EYA1: variants seen among roughly 807,000 people sequenced by gnomAD.
The protein encoded by EYA1 is EYA transcriptional coactivator and phosphatase 1.
In EYA1, 16 loss-of-function variants were observed where a neutral mutation model predicts 82.0. That is an observed-to-expected ratio of 0.20 (90% CI 0.13 to 0.30). The LOEUF (loss-of-function observed/expected upper bound fraction) is 0.30, where lower values mean the gene tolerates loss of function less well. Ranked by LOEUF, EYA1 falls within the 10% of genes least tolerant of loss-of-function variation. The pLI, the probability that EYA1 is intolerant of heterozygous loss-of-function variation, is 1.00. For synonymous variants in EYA1, 261 were observed against 264.4 expected (o/e 0.99, Z 0.12); for missense variants, 633 against 730.7 (o/e 0.87, Z 1.54).
In EYA1 at chr8:71,199,223, C is replaced by A. The variant is rs886063087; in HGVS notation, c.*117G>T. On this transcript the variant is annotated 3_prime_UTR_variant, in exon 18 of 18. Coordinates refer to ENST00000340726, the MANE Select transcript of EYA1 (RefSeq NM_000503.6). ...CAGAGGTCAAGACTGACAGCAACTG[C>A]GCATCACCAGGCGGAAATTGCTAAG... 2.7e-6 allele frequency: 2 copies of A among 737,584 alleles called. No homozygotes were observed. Among genetic ancestry groups the A allele is most frequent in the Non-Finnish European group, 4.8e-6 (2 of 418,454 alleles). 45.7% of individuals were successfully genotyped at this position (737,584 alleles called of 1,614,324 possible). A position where few individuals can be genotyped will look rare whatever the true frequency, so the allele number is the denominator to read the frequency against.
At chr8:71,453,886 C>T (rs1298505279) in intron 2 of EYA1, among the ~76,000 whole-genome samples, 1 of 152,150 alleles carries the variant, frequency 6.6e-6, no homozygotes, top group Non-Finnish European at 1.5e-5. Context: ...AACCAGCTAA[C>T]ATCATAATGA....
At chr8:71,535,045 G>T (rs576596920) in intron 2 of EYA1, among the ~76,000 whole-genome samples, 31 of 152,012 alleles carry the variant, frequency 2.0e-4, no homozygotes, top group African/African-American at 7.5e-4. Context: ...AATTTTCCGA[G>T]AAAACAACTT....
chr8:71,386,553 T>C (rs1402687169), intron 2 of EYA1, among the ~76,000 whole-genome samples: 1 of 152,236 alleles, frequency 6.6e-6, no homozygotes, highest in Non-Finnish European at 1.5e-5. Context: ...GGCCATGAGT[T>C]GACAATAGCT....
chr8:71,217,600 T>A (rs1809375491), intron 12 of EYA1, among the ~76,000 whole-genome samples: 1 of 152,134 alleles, frequency 6.6e-6, no homozygotes, highest in Admixed American at 6.5e-5. Context: ...TGTGTGTGTG[T>A]GTGTACACAT....
chr8:71,277,753 G>A (rs1444112730), intron 9 of EYA1, among the ~76,000 whole-genome samples: 1 of 152,092 alleles, frequency 6.6e-6, no homozygotes, highest in Non-Finnish European at 1.5e-5. Flanking sequence ...TAGAGTGCAA[G>A]GCAAACATTA....
intron 1 of EYA1, among the ~76,000 whole-genome samples, chr8:71,359,467 C>T (rs755218847): frequency 1.8e-4 from 27 of 152,164 alleles, no homozygotes; most frequent in Non-Finnish European, 3.7e-4. Context: ...TTCCCTACCA[C>T]AGAGCTCAGG....
chr8:71,455,446 A>G (rs2080166795), intron 2 of EYA1, among the ~76,000 whole-genome samples: 2 of 152,140 alleles, frequency 1.3e-5, no homozygotes, highest in South Asian at 4.2e-4. Flanking sequence ...TCTGGCAGAG[A>G]CACAACAAAA....
chr8:71,499,698 T>A (rs1379434876), intron 2 of EYA1, among the ~76,000 whole-genome samples: 2 of 152,202 alleles, frequency 1.3e-5, no homozygotes, highest in Non-Finnish European at 2.9e-5. Flanking sequence ...GATTTATGAA[T>A]AGAGAATCTA....
chr8:71,487,136 T>G (rs1032097131), intron 2 of EYA1, among the ~76,000 whole-genome samples: 2 of 151,732 alleles, frequency 1.3e-5, no homozygotes, highest in Non-Finnish European at 2.9e-5. Context: ...TCTCAGAAAT[T>G]CAAATGTATT....
rs192905858 is a variant in EYA1 at position 71,231,551 on chromosome 8, G to C, written c.1140+13052C>G. On this transcript the variant is annotated intron_variant, in intron 12 of 17. Transcript: ENST00000340726. ...TAGCCATCCCATCTCTCAGACTCTAGCTAATGACCACAGACATCTCCATCA... is the reference window on the plus strand; with the variant it reads ...TAGCCATCCCATCTCTCAGACTCTACCTAATGACCACAGACATCTCCATCA... Among the ~76,000 whole-genome samples the C allele has an allele frequency of 1.5e-3, 230 of 152,256 alleles. 1 individual carries two copies. The highest frequency in any genetic ancestry group is 2.2e-3 in the Non-Finnish European group (153 of 68,030).
chr8:71,259,694 G>A lies in EYA1; in HGVS notation c.1050+10046C>T, dbSNP rs140822563. 9.4e-4 allele frequency among the ~76,000 whole-genome samples: 143 copies of A among 152,214 alleles called. 1 individual carries two copies. The East Asian group carries it at 0.023, about 24-fold the overall frequency. On this transcript the variant is annotated intron_variant, in intron 11 of 17. Coordinates refer to ENST00000340726, the MANE Select transcript of EYA1 (RefSeq NM_000503.6). Reference sequence around the variant, plus strand: ...TTTACTTTCAGTTCAGATAGTTCACGGTCTTTGGAGACTCAAAACAGATAG... The same window carrying A: ...TTTACTTTCAGTTCAGATAGTTCACAGTCTTTGGAGACTCAAAACAGATAG...
At chr8:71,354,151 TATTA>T (rs1331527934) in intron 3 of EYA1, among the ~76,000 whole-genome samples, 1 of 152,140 alleles carries the variant, frequency 6.6e-6, no homozygotes, top group Non-Finnish European at 1.5e-5. Context: ...TATTCATATG[TATTA>T]ATTACACAGA....
chr8:71,330,123 G>A (rs1823653361), intron 4 of EYA1, among the ~76,000 whole-genome samples: 1 of 152,172 alleles, frequency 6.6e-6, no homozygotes, highest in Non-Finnish European at 1.5e-5. Context: ...TGAGGCAGAT[G>A]ATGATAGGGC....
At chr8:71,225,632 G>A (rs1032365282) in intron 12 of EYA1, among the ~76,000 whole-genome samples, 3 of 152,078 alleles carry the variant, frequency 2.0e-5, no homozygotes, top group Admixed American at 1.3e-4. Flanking sequence ...GGTGCCAACC[G>A]ATATTTTAAG....
chr8:71,339,781 A>G (rs149018357), intron 3 of EYA1, among the ~76,000 whole-genome samples: 3 of 152,306 alleles, frequency 2.0e-5, no homozygotes, highest in Non-Finnish European at 4.4e-5. Context: ...CATGGTATAG[A>G]ATGAGCCTCA....
chr8:71,519,296 T>A (rs1255728988), intron 2 of EYA1, among the ~76,000 whole-genome samples: 1 of 152,182 alleles, frequency 6.6e-6, no homozygotes, highest in Non-Finnish European at 1.5e-5. Context: ...CTACCCTATT[T>A]CTAGTAAACT....
intron 2 of EYA1, among the ~76,000 whole-genome samples, chr8:71,367,473 C>A (rs1827822258): frequency 6.6e-6 from 1 of 151,562 alleles, no homozygotes; most frequent in South Asian, 2.1e-4. Flanking sequence ...GAAAGGGAAC[C>A]CCCAAACCTA....
At chr8:71,276,226 CAGTT>C (rs1301904385) in intron 9 of EYA1, among the ~76,000 whole-genome samples, 1 of 152,178 alleles carries the variant, frequency 6.6e-6, no homozygotes, top group Non-Finnish European at 1.5e-5. Context: ...TAATAATAAA[CAGTT>C]AGTGGACAGG....
chr8:71,347,761 T>C (rs964733999), intron 3 of EYA1, among the ~76,000 whole-genome samples: 1 of 152,078 alleles, frequency 6.6e-6, no homozygotes, highest in African/African-American at 2.4e-5. Context: ...TTTTGACTCA[T>C]GTTACAATGT....
Sources: gnomAD v4.1 joint callset for allele counts (sites outside exome capture counted in the v4.1 genomes callset) on GRCh38, gnomAD v4.1.1 for gene constraint, MANE v1.5 for transcripts, NCBI Gene and HGNC (gene_info 2026-07-23, HGNC 2026-07-21) for gene names.